The following FZD6 variants were observed in gnomAD, a reference collection of about 807,000 sequenced individuals.
FZD6 encodes frizzled-6.
FZD6 carries 49 observed loss-of-function variants against 61.4 expected under a neutral mutation model. The ratio of observed to expected loss-of-function variants is 0.80; its 90% CI spans 0.63 to 1.01. The LOEUF (loss-of-function observed/expected upper bound fraction) is 1.01. FZD6 is among the 50% of genes least tolerant of loss of function. FZD6 has a pLI of 0.00. For missense variants in FZD6, 724 were observed against 848.2 expected, an observed-to-expected ratio of 0.85 and a Z score of 1.82; for synonymous variants, 265 against 292.2, an observed-to-expected ratio of 0.91 and a Z score of 0.95.
Position 103,300,074 on chromosome 8 carries a change from C to T in FZD6, c.-34C>T. The T allele has an allele frequency of 7.5e-7, 1 of 1,329,374 alleles. No individual in the cohort carries two copies. Among genetic ancestry groups the T allele is most frequent in the African/African-American group, 1.4e-5 (1 of 70,284 alleles). 82.3% of individuals were successfully genotyped at this position (1,329,374 alleles called of 1,614,324 possible). A position where few individuals can be genotyped will look rare whatever the true frequency, so the allele number is the denominator to read the frequency against. On this transcript the variant is annotated 5_prime_UTR_variant, in exon 2 of 7. Transcript: ENST00000358755. ...CTGAGGATGCAAAGAGTGATTCATC[C>T]AAGCCATGTGGTAAAATCAGGAATT...
Position 103,328,341 on chromosome 8 carries a change from C to G in FZD6, c.1466C>G (p.Ser489Cys). Residue 489 changes from serine (S) to cysteine (C), a missense_variant, in exon 5 of 7, where the codon TCT (serine) becomes TGT (cysteine). Transcript: ENST00000358755. ...CTGATGACATTAATTGTTGGCATCTCTGCTGTCTTCTGGGTTGGAAGCAAA... is the reference window on the plus strand; with the variant it reads ...CTGATGACATTAATTGTTGGCATCTGTGCTGTCTTCTGGGTTGGAAGCAAA... ...KYLMTLIVGI[S>C]AVFWVGSKKT... 1 of 1,611,406 alleles carries G rather than the reference C, an allele frequency of 6.2e-7. No homozygotes were observed. Among genetic ancestry groups the G allele is most frequent in the Non-Finnish European group, 8.5e-7 (1 of 1,177,674 alleles).
intron 2 of FZD6, among the ~76,000 whole-genome samples, chr8:103,303,618 C>T (rs768051553): frequency 1.1e-4 from 16 of 152,100 alleles, no homozygotes; most frequent in Admixed American, 2.0e-4. Context: ...TTTTATGTCC[C>T]AATAAGGTAG....
chr8:103,331,601 T>C lies in FZD6; in HGVS notation c.*92T>C. The C allele has an allele frequency of 1.2e-6, 1 of 862,372 alleles. No individual in the cohort carries two copies. The highest frequency in any genetic ancestry group is 1.4e-5 in the South Asian group (1 of 70,738). The allele number at this position is 862,372 out of a possible 1,614,324, so 53.4% of individuals were successfully genotyped here. ...TGTAAGAATCACTGTTACATTCTTC[T>C]TTTGCACTTAAAGTTGCATTGCCTA... On this transcript the variant is annotated 3_prime_UTR_variant, in exon 7 of 7. Coordinates refer to ENST00000358755, the MANE Select transcript of FZD6 (RefSeq NM_003506.4).
rs549741678 is a variant in FZD6, at chr8:103,320,136, CA to C, written c.374+1352del. ...TTTGTGTGTTTGGTAAGAGTTGTTG[CA>C]ATAATTTCTTTCTGATGGTTTCTAT... On this transcript the variant is annotated intron_variant, in intron 3 of 6. Coordinates refer to ENST00000358755, the MANE Select transcript of FZD6 (RefSeq NM_003506.4). Among the ~76,000 whole-genome samples the C allele has an allele frequency of 1.7e-3, 253 of 152,148 alleles. 2 individuals are homozygous for C. The highest frequency in any genetic ancestry group is 5.8e-3 in the African/African-American group (242 of 41,496).
chr8:103,313,769 TG>T (rs1814559648), intron 2 of FZD6, among the ~76,000 whole-genome samples: 1 of 119,106 alleles, frequency 8.4e-6, no homozygotes, highest in Non-Finnish European at 1.7e-5. Flanking sequence ...TCTGTGTGTG[TG>T]TGTGTGTGTG....
intron 5 of FZD6, 65 bp from the exon 6 acceptor site, chr8:103,329,590 T>C: frequency 3.3e-6 from 4 of 1,225,726 alleles, no homozygotes; most frequent in Non-Finnish European, 4.8e-6. Context: ...TGATATCCTT[T>C]ATATCCTCTA....
chr8:103,323,211 A>C (rs1251567458), intron 3 of FZD6, among the ~76,000 whole-genome samples: 3 of 152,172 alleles, frequency 2.0e-5, no homozygotes, highest in Non-Finnish European at 4.4e-5. Context: ...GTGGTAATGA[A>C]TACTTCTGAG....
At chr8:103,310,783 T>TAAGCTAAAACC (rs989836704) in intron 2 of FZD6, among the ~76,000 whole-genome samples, 1 of 152,198 alleles carries the variant, frequency 6.6e-6, no homozygotes, top group African/African-American at 2.4e-5. Context: ...ACAGAGAAGC[T>TAAGCTAAAACC]AAGCTAAAAC....
At chr8:103,314,398 A>G (rs549694239) in intron 2 of FZD6, among the ~76,000 whole-genome samples, 1 of 152,158 alleles carries the variant, frequency 6.6e-6, no homozygotes, top group East Asian at 1.9e-4. Context: ...ACAGTTTACT[A>G]GTTGCCCGCA....
rs1814925565 is a variant in FZD6, at chr8:103,325,442, G to C, written c.1336G>C (p.Glu446Gln). Residue 446 changes from glutamate (E) to glutamine (Q), a missense_variant, in exon 4 of 7, where the codon GAG (glutamate) becomes CAG (glutamine). Transcript: ENST00000358755. ...TGAGCAAGTGAACAGGATTACCTGGGAGATAACTTGGGTCTCTGATCATTG... is the reference window on the plus strand; with the variant it reads ...TGAGCAAGTGAACAGGATTACCTGGCAGATAACTTGGGTCTCTGATCATTG... ...VYEQVNRITW[E>Q]ITWVSDHCRQ... The C allele has an allele frequency of 1.1e-5, 18 of 1,613,624 alleles. No homozygotes were observed. The highest frequency in any genetic ancestry group is 1.5e-5 in the Non-Finnish European group (18 of 1,179,672).
intron 2 of FZD6, among the ~76,000 whole-genome samples, chr8:103,314,162 A>G (rs1814569931): frequency 6.6e-6 from 1 of 152,200 alleles, no homozygotes; most frequent in African/African-American, 2.4e-5. Context: ...CCATGTAAGA[A>G]AATTGTTTTT....
chr8:103,319,891 G>T (rs1405004001), intron 3 of FZD6, among the ~76,000 whole-genome samples: 1 of 152,162 alleles, frequency 6.6e-6, no homozygotes, highest in Non-Finnish European at 1.5e-5. Flanking sequence ...AGGGAAGCTG[G>T]CTATAAAAGA....
chr8:103,305,239 C>T (rs1814297474), intron 2 of FZD6, among the ~76,000 whole-genome samples: 1 of 152,142 alleles, frequency 6.6e-6, no homozygotes, highest in African/African-American at 2.4e-5. Context: ...TCATTGAGGT[C>T]TAGGCAAAAG....
intron 3 of FZD6, among the ~76,000 whole-genome samples, chr8:103,319,396 A>G (rs557581895): frequency 5.3e-5 from 8 of 152,312 alleles, no homozygotes; most frequent in East Asian, 3.9e-4. Flanking sequence ...CCCATCTTTC[A>G]TATTTTTATG....
rs115349358 is a variant in FZD6, at chr8:103,325,971, C to T, written c.1392+473C>T. Among the ~76,000 whole-genome samples, 1,208 of 151,948 alleles carry T rather than the reference C, an allele frequency of 8.0e-3. 19 individuals are homozygous for T. The highest frequency in any genetic ancestry group is 0.027 in the African/African-American group (1,138 of 41,442). On this transcript the variant is annotated intron_variant, in intron 4 of 6. Coordinates refer to ENST00000358755, the MANE Select transcript of FZD6 (RefSeq NM_003506.4). Reference sequence around the variant, plus strand: ...TTTGCCTGACTCATCTGTCATTTCTCAATTGAAAAAAACACAGTTGTAACA... The same window carrying T: ...TTTGCCTGACTCATCTGTCATTTCTTAATTGAAAAAAACACAGTTGTAACA...
intron 4 of FZD6, among the ~76,000 whole-genome samples, chr8:103,327,539 T>G (rs1167017873): frequency 2.0e-5 from 3 of 152,118 alleles, no homozygotes; most frequent in African/African-American, 7.2e-5. Context: ...GAGGTTGTAG[T>G]GAGCTGAGAT....
chr8:103,329,906 G>A lies in FZD6; in HGVS notation c.1793G>A (p.Arg598Lys). 6.2e-7 allele frequency: 1 copy of A among 1,614,140 alleles called. No homozygotes were observed. Among genetic ancestry groups the A allele is most frequent in the Non-Finnish European group, 8.5e-7 (1 of 1,180,032 alleles). ...EIQTSPETSM[R>K]EVKADGASTP... is the part of the protein sequence containing the mutation. ...CAAACCTCACCAGAAACATCAATGA[G>A]AGAGGTGAAAGCGGACGGAGCTAGC... Residue 598 changes from arginine (R) to lysine (K), a missense_variant, in exon 6 of 7, where the codon AGA (arginine) becomes AAA (lysine). Coordinates refer to ENST00000358755, the MANE Select transcript of FZD6 (RefSeq NM_003506.4).
At position 103,307,932 on chromosome 8, in the gene FZD6, T is replaced by G. The variant is rs1814386705; in HGVS notation, c.177+7648T>G. 4 of 455,988 alleles carry G rather than the reference T, an allele frequency of 8.8e-6. No individual in the cohort carries two copies. In the Admixed American group the frequency reaches 9.4e-5, roughly 11 times the overall value. The allele number at this position is 455,988 out of a possible 1,614,324, so 28.2% of individuals were successfully genotyped here. On this transcript the variant is annotated intron_variant, in intron 2 of 6. Coordinates refer to ENST00000358755, the MANE Select transcript of FZD6 (RefSeq NM_003506.4). ...CAAGGGATTTCAGTGAGGACAACTC[T>G]TGGATGGAAATTATCCAGGATACTT...
chr8:103,323,781 G>A (rs556444666), intron 3 of FZD6, among the ~76,000 whole-genome samples: 1 of 152,210 alleles, frequency 6.6e-6, no homozygotes, highest in South Asian at 2.1e-4. Context: ...AATAATACTG[G>A]TATGTACAAA....
Sources: gnomAD v4.1 joint callset for allele counts (sites outside exome capture counted in the v4.1 genomes callset) on GRCh38, gnomAD v4.1.1 for gene constraint, MANE v1.5 for transcripts, NCBI Gene and HGNC (gene_info 2026-07-23, HGNC 2026-07-21) for gene names.